Variants in HHAT observed in about 807,000 individuals in gnomAD.
The protein encoded by HHAT is protein-cysteine N-palmitoyltransferase HHAT.
A neutral mutation model predicts 70.8 loss-of-function variants in HHAT; 47 were observed. The ratio of observed to expected loss-of-function variants is 0.66; its 90% CI spans 0.53 to 0.85. The LOEUF is 0.85. Ranked by LOEUF, HHAT falls within the 40% of genes least tolerant of loss-of-function variation. HHAT has a pLI of 0.00. For missense variants in HHAT, 609 were observed against 604.8 expected (o/e 1.01, Z -0.07); for synonymous variants, 228 against 247.6 (o/e 0.92, Z 0.74).
At chr1:210,370,527 A>C (rs1469528935) in intron 3 of HHAT, among the ~76,000 whole-genome samples, 3 of 150,816 alleles carry the variant, frequency 2.0e-5, no homozygotes, top group Non-Finnish European at 4.5e-5. Flanking sequence ...ACTAGATAGA[A>C]GAGAGAGAGA....
intron 3 of HHAT, among the ~76,000 whole-genome samples, chr1:210,370,280 T>C (rs1172385407): frequency 6.6e-6 from 1 of 150,512 alleles, no homozygotes; most frequent in Non-Finnish European, 1.5e-5. Flanking sequence ...GTTCAAGCGA[T>C]TCTCCTGCCT....
At chr1:210,373,644 A>G (rs1351302365) in intron 3 of HHAT, among the ~76,000 whole-genome samples, 1 of 152,208 alleles carries the variant, frequency 6.6e-6, no homozygotes, top group Non-Finnish European at 1.5e-5. Flanking sequence ...GTCAAATTCT[A>G]TCTGGCATGT....
At chr1:210,491,083 G>GTGTGTGTGTC (rs997930532) in intron 8 of HHAT, among the ~76,000 whole-genome samples, 2 of 151,766 alleles carry the variant, frequency 1.3e-5, no homozygotes, top group African/African-American at 4.8e-5. Context: ...GTGTGTGTGT[G>GTGTGTGTGTC]TGTCTGTGTG....
chr1:210,411,599 A>G (rs182226291), intron 6 of HHAT, among the ~76,000 whole-genome samples: 361 of 152,148 alleles, frequency 2.4e-3, no homozygotes, highest in African/African-American at 8.3e-3. Context: ...CAAAAAATAA[A>G]AAAAAATCAG....
chr1:210,495,532 T>G (rs990399713), intron 8 of HHAT, among the ~76,000 whole-genome samples: 2 of 152,162 alleles, frequency 1.3e-5, no homozygotes, highest in Non-Finnish European at 2.9e-5. Context: ...GTAATAGATA[T>G]GGATATGGTT....
chr1:210,503,250 A>G (rs564988685), intron 8 of HHAT, among the ~76,000 whole-genome samples: 1 of 152,100 alleles, frequency 6.6e-6, no homozygotes, highest in African/African-American at 2.4e-5. Flanking sequence ...ATGAGCCACT[A>G]TGTATTCAAT....
In HHAT at chr1:210,386,240, T is replaced by C. The variant is rs200760324; in HGVS notation, c.160-1228T>C. On this transcript the variant is annotated intron_variant, in intron 3 of 11. Coordinates refer to ENST00000261458, the MANE Select transcript of HHAT (RefSeq NM_018194.6). ...TCCTTTTCTTTTTTTCTTTTTTTTTTTTTTTTTTTTTTTTTTGAGACAGAG... is the reference window on the plus strand; with the variant it reads ...TCCTTTTCTTTTTTTCTTTTTTTTTCTTTTTTTTTTTTTTTTGAGACAGAG... Among the ~76,000 whole-genome samples, 129 of 79,670 alleles carry C rather than the reference T, an allele frequency of 1.6e-3. 1 individual carries two copies. Among genetic ancestry groups the C allele is most frequent in the Non-Finnish European group, 2.3e-3 (85 of 36,372 alleles). 52.3% of individuals were successfully genotyped at this position (79,670 alleles called of 152,430 possible).
At chr1:210,427,098 T>C (rs2093086664) in intron 7 of HHAT, among the ~76,000 whole-genome samples, 1 of 152,176 alleles carries the variant, frequency 6.6e-6, no homozygotes, top group African/African-American at 2.4e-5. Context: ...AATGATAACT[T>C]TCTTCTAGAT....
At chr1:210,654,679 T>C (rs1676007062) in intron 11 of HHAT, among the ~76,000 whole-genome samples, 1 of 152,218 alleles carries the variant, frequency 6.6e-6, no homozygotes, top group Non-Finnish European at 1.5e-5. Flanking sequence ...GGTTAGTTTA[T>C]CTTCAGATCA....
intron 3 of HHAT, among the ~76,000 whole-genome samples, chr1:210,364,506 C>A (rs2088695856): frequency 6.6e-6 from 1 of 152,112 alleles, no homozygotes; most frequent in Non-Finnish European, 1.5e-5. Flanking sequence ...CAAAAATAAG[C>A]AGACACATTT....
chr1:210,535,431 TTG>T (rs144319730), intron 9 of HHAT, among the ~76,000 whole-genome samples: 2,950 of 149,694 alleles, frequency 0.02, 49 homozygotes, highest in South Asian at 0.062. Context: ...CATTGTGTGT[TTG>T]TGTGTGTGTG....
chr1:210,601,626 T>C (rs1664284809), intron 10 of HHAT, among the ~76,000 whole-genome samples: 1 of 152,146 alleles, frequency 6.6e-6, no homozygotes, highest in African/African-American at 2.4e-5. Flanking sequence ...CTTTGCACAT[T>C]ACTGAAGGAC....
chr1:210,439,754 G>T (rs1016588485), intron 7 of HHAT: 1 of 151,854 alleles, frequency 6.6e-6, no homozygotes, highest in Non-Finnish European at 1.5e-5. Context: ...GGGTCTTCAG[G>T]TAAGGCCAGA....
intron 9 of HHAT, among the ~76,000 whole-genome samples, chr1:210,585,140 C>A (rs959190143): frequency 6.7e-6 from 1 of 149,846 alleles, no homozygotes; most frequent in Non-Finnish European, 1.5e-5. Context: ...GTAATGGAAG[C>A]AGTAAGTTGG....
intron 9 of HHAT, among the ~76,000 whole-genome samples, chr1:210,541,045 T>G (rs2095425539): frequency 6.6e-6 from 1 of 152,182 alleles, no homozygotes; most frequent in African/African-American, 2.4e-5. Flanking sequence ...TTCACCCTGT[T>G]GCCCAGTCTG....
At chr1:210,450,088 T>G (rs575623110) in intron 7 of HHAT, among the ~76,000 whole-genome samples, 338 of 152,268 alleles carry the variant, frequency 2.2e-3, no homozygotes, top group African/African-American at 7.5e-3. Flanking sequence ...GGTCAGGAGT[T>G]CAAAGCCAGC....
chr1:210,604,461 A>G (rs1304060329), intron 10 of HHAT, among the ~76,000 whole-genome samples: 1 of 152,208 alleles, frequency 6.6e-6, no homozygotes, highest in Non-Finnish European at 1.5e-5. Context: ...GATAGATTTA[A>G]TAAAACCTTA....
intron 2 of HHAT, among the ~76,000 whole-genome samples, chr1:210,361,774 T>A (rs865829838): frequency 6.6e-6 from 1 of 152,186 alleles, no homozygotes; most frequent in African/African-American, 2.4e-5. Flanking sequence ...ATTCTGGTGG[T>A]TTTGTCCCAC....
rs762086618 is a variant in HHAT at position 210,674,628 on chromosome 1, G to A, written c.*249G>A. The A allele has an allele frequency of 8.5e-6, 4 of 469,930 alleles. No individual in the cohort carries two copies. The highest frequency in any genetic ancestry group is 3.6e-5 in the East Asian group (1 of 28,060). 29.1% of individuals were successfully genotyped at this position (469,930 alleles called of 1,614,324 possible). ...TTGAGGAAACGGGTCCAGGGCAGTC[G>A]TGTGTCTTACCCAGCTACACAGGGT... On this transcript the variant is annotated 3_prime_UTR_variant, in exon 12 of 12. Coordinates refer to ENST00000261458, the MANE Select transcript of HHAT (RefSeq NM_018194.6).
Sources: gnomAD v4.1 joint callset for allele counts (sites outside exome capture counted in the v4.1 genomes callset) on GRCh38, gnomAD v4.1.1 for gene constraint, MANE v1.5 for transcripts, NCBI Gene and HGNC (gene_info 2026-07-23, HGNC 2026-07-21) for gene names.